ARHGAP15: variants seen among roughly 807,000 people sequenced by gnomAD.
ARHGAP15 encodes Rho GTPase activating protein 15.
In ARHGAP15, 51 loss-of-function variants were observed where a neutral mutation model predicts 63.7. The observed-to-expected ratio is 0.80, with a 90% CI of 0.64 to 1.01. ARHGAP15 has a LOEUF of 1.01. Among genes scored for constraint, ARHGAP15 ranks in the 50% least tolerant of loss-of-function variants. The pLI is 0.00. For synonymous variants in ARHGAP15, 191 were observed against 193.8 expected (o/e 0.99, Z 0.12); for missense variants, 560 against 564.6 (o/e 0.99, Z 0.08).
intron 10 of ARHGAP15, among the ~76,000 whole-genome samples, chr2:143,537,178 T>A (rs1694811271): frequency 1.3e-5 from 2 of 152,228 alleles, no homozygotes; most frequent in African/African-American, 4.8e-5. Flanking sequence ...AATGTCTTCT[T>A]TTGAGAAGTG....
At chr2:143,349,952 T>C (rs558916982) in intron 6 of ARHGAP15, among the ~76,000 whole-genome samples, 142 of 152,186 alleles carry the variant, frequency 9.3e-4, no homozygotes, top group Non-Finnish European at 1.6e-3. Flanking sequence ...ACCATTTCAA[T>C]TTAAACTTAG....
intron 12 of ARHGAP15, among the ~76,000 whole-genome samples, chr2:143,699,936 G>A (rs950790112): frequency 1.3e-5 from 2 of 152,036 alleles, no homozygotes; most frequent in South Asian, 2.1e-4. Flanking sequence ...AAGACCACAC[G>A]GCTAATAAAA....
chr2:143,739,627 G>A (rs886176268), intron 13 of ARHGAP15, among the ~76,000 whole-genome samples: 2 of 152,082 alleles, frequency 1.3e-5, no homozygotes, highest in African/African-American at 4.8e-5. Flanking sequence ...GGTATTTCTG[G>A]TCTGATTTCC....
chr2:143,242,565 A>G (rs35589335), intron 5 of ARHGAP15, among the ~76,000 whole-genome samples: 24,106 of 152,242 alleles, frequency 0.16, 2,028 homozygotes, highest in Middle Eastern at 0.24. Context: ...CAAAAAGCAC[A>G]TAACATTCTA....
intron 5 of ARHGAP15, among the ~76,000 whole-genome samples, chr2:143,239,982 C>T (rs1422357793): frequency 9.9e-6 from 1 of 101,250 alleles, no homozygotes; most frequent in Admixed American, 1.3e-4. Flanking sequence ...TAGAGTGAGA[C>T]TCTGTCTCAA....
intron 11 of ARHGAP15, among the ~76,000 whole-genome samples, chr2:143,558,634 T>A (rs1004572549): frequency 2.0e-5 from 3 of 152,206 alleles, no homozygotes; most frequent in Non-Finnish European, 4.4e-5. Flanking sequence ...ACTTGAATCA[T>A]CCTTGTATCT....
At chr2:143,531,019 C>T (rs1332767933) in intron 10 of ARHGAP15, among the ~76,000 whole-genome samples, 1 of 152,126 alleles carries the variant, frequency 6.6e-6, no homozygotes, top group African/African-American at 2.4e-5. Context: ...GTGGACAGTG[C>T]AGCAGGGTGG....
At chr2:143,332,165 CAAAG>C (rs1306219870) in intron 6 of ARHGAP15, among the ~76,000 whole-genome samples, 1 of 152,166 alleles carries the variant, frequency 6.6e-6, no homozygotes, top group East Asian at 1.9e-4. Context: ...TCAATTCAAA[CAAAG>C]AAATTGATGT....
intron 4 of ARHGAP15, among the ~76,000 whole-genome samples, chr2:143,222,082 CAG>C (rs913172828): frequency 2.0e-5 from 3 of 152,186 alleles, no homozygotes; most frequent in Admixed American, 2.0e-4. Flanking sequence ...GCAATACTGA[CAG>C]AGATGGGTAT....
At chr2:143,137,909 G>A (rs540439435) in intron 1 of ARHGAP15, among the ~76,000 whole-genome samples, 1 of 152,086 alleles carries the variant, frequency 6.6e-6, no homozygotes, top group African/African-American at 2.4e-5. Context: ...TAAATGCACT[G>A]GGGAAATCAA....
At chr2:143,333,644 G>T (rs574252730) in intron 6 of ARHGAP15, among the ~76,000 whole-genome samples, 2 of 152,178 alleles carry the variant, frequency 1.3e-5, no homozygotes, top group Non-Finnish European at 2.9e-5. Flanking sequence ...AGTAATGGCT[G>T]TGTTACTTCG....
At chr2:143,275,003 A>C (rs958777036) in intron 6 of ARHGAP15, among the ~76,000 whole-genome samples, 6 of 129,424 alleles carry the variant, frequency 4.6e-5, no homozygotes, top group Non-Finnish European at 1.1e-4. Context: ...TCTACTAAAA[A>C]TTAAAAAAAA....
intron 8 of ARHGAP15, among the ~76,000 whole-genome samples, chr2:143,468,201 C>A (rs1691329221): frequency 6.6e-6 from 1 of 151,422 alleles, no homozygotes; most frequent in African/African-American, 2.4e-5. Context: ...TTTTTTCTAG[C>A]AACATTTCCA....
At chr2:143,623,966 C>A (rs1698740714) in intron 11 of ARHGAP15, among the ~76,000 whole-genome samples, 167 bp from the exon 12 acceptor site, 1 of 152,112 alleles carries the variant, frequency 6.6e-6, no homozygotes, top group South Asian at 2.1e-4. Flanking sequence ...AAAATGTTCC[C>A]TTCCTACGGA....
chr2:143,644,976 A>G (rs1352189253), intron 12 of ARHGAP15, among the ~76,000 whole-genome samples: 1 of 152,150 alleles, frequency 6.6e-6, no homozygotes, highest in African/African-American at 2.4e-5. Flanking sequence ...ACCCACTGCC[A>G]TATAATTGCG....
chr2:143,651,276 G>T (rs974496238), intron 12 of ARHGAP15, among the ~76,000 whole-genome samples: 3 of 151,722 alleles, frequency 2.0e-5, no homozygotes, highest in Non-Finnish European at 4.4e-5. Flanking sequence ...GTTTCCCCAC[G>T]CCCTTTCATA....
chr2:143,514,484 TTC>T (rs1693719946), intron 9 of ARHGAP15, among the ~76,000 whole-genome samples: 1 of 152,212 alleles, frequency 6.6e-6, no homozygotes, highest in Non-Finnish European at 1.5e-5. Flanking sequence ...GAACTTTTTT[TTC>T]TGTTTTGTTC....
At chr2:143,675,149 C>T (rs1418168800) in intron 12 of ARHGAP15, among the ~76,000 whole-genome samples, 1 of 152,160 alleles carries the variant, frequency 6.6e-6, no homozygotes, top group African/African-American at 2.4e-5. Flanking sequence ...GGGGAGATTC[C>T]ATCTCAAGAA....
At chr2:143,186,794 C>T (rs1019797809) in intron 2 of ARHGAP15, among the ~76,000 whole-genome samples, 13 of 152,136 alleles carry the variant, frequency 8.5e-5, no homozygotes, top group Admixed American at 2.0e-4. Context: ...TGAGCAAATT[C>T]GTGCTTTGTG....
Sources: allele counts gnomAD v4.1 joint callset (sites outside exome capture counted in the v4.1 genomes callset), GRCh38; gene constraint gnomAD v4.1.1; transcripts MANE v1.5; gene names NCBI Gene and HGNC (gene_info 2026-07-23, HGNC 2026-07-21).